CELSR1: variants seen among roughly 807,000 people sequenced by gnomAD.
The protein encoded by CELSR1 is adhesion G protein-coupled receptor C1.
CELSR1 carries 110 observed loss-of-function variants against 249.1 expected under a neutral mutation model. The observed-to-expected ratio is 0.44, with a 90% CI of 0.38 to 0.52. The LOEUF (loss-of-function observed/expected upper bound fraction) is 0.52. Ranked by LOEUF, CELSR1 falls within the 20% of genes least tolerant of loss-of-function variation. The pLI, the probability that CELSR1 is intolerant of heterozygous loss-of-function variation, is 0.00. For missense variants in CELSR1, 4,109 were observed against 4,296.4 expected (o/e 0.96, Z 1.22); for synonymous variants, 2,113 against 1,900.0 (o/e 1.11, Z -2.92).
intron 1 of CELSR1, chr22:46,530,239 A>C (rs1266613381): frequency 1.3e-5 from 2 of 152,586 alleles, no homozygotes; most frequent in African/African-American, 4.8e-5. Context: ...ACTGCACTCC[A>C]GCTGGGGCAA....
intron 1 of CELSR1, among the ~76,000 whole-genome samples, chr22:46,528,313 C>G (rs2075292317): frequency 1.3e-5 from 2 of 152,184 alleles, no homozygotes; most frequent in South Asian, 4.1e-4. Context: ...CATCCACTCT[C>G]CACCAAAGTC....
Position 46,464,172 on chromosome 22 carries a change from C to T in CELSR1, c.3718G>A (p.Asp1240Asn). 6.2e-7 allele frequency: 1 copy of T among 1,613,746 alleles called. No homozygotes were observed. Among genetic ancestry groups the T allele is most frequent in the Non-Finnish European group, 8.5e-7 (1 of 1,180,034 alleles). The change falls in exon 2 of 35, where the codon GAC becomes AAC. Residue 1240 changes from aspartate (D) to asparagine (N), a missense_variant. Physicochemically the swap from Asp to Asn is conservative, Grantham distance 23. Coordinates refer to ENST00000674500, the MANE Select transcript of CELSR1 (RefSeq NM_001378328.1). The surrounding 1 kb of genome is among the most constrained non-coding windows in gnomAD (Gnocchi z 8.5). ...GVAAVLSTTK[D>N]DVFVFNVQND... ...TGGACGTTGAAGACGAAGACGTCGTCCTTGGTGGTGGACAGCACGGCGGCC... is the reference window on the plus strand; with the variant it reads ...TGGACGTTGAAGACGAAGACGTCGTTCTTGGTGGTGGACAGCACGGCGGCC...
At chr22:46,392,863 A>G (rs921062434) in intron 14 of CELSR1, among the ~76,000 whole-genome samples, 3 of 152,010 alleles carry the variant, frequency 2.0e-5, no homozygotes, top group Non-Finnish European at 4.4e-5. Context: ...CCTGCCTATA[A>G]CTTTGGATGA....
At chr22:46,492,269 C>T (rs563925568) in intron 1 of CELSR1, among the ~76,000 whole-genome samples, 65 of 152,304 alleles carry the variant, frequency 4.3e-4, no homozygotes, top group African/African-American at 1.3e-3. Flanking sequence ...ACAAGTTCCA[C>T]TTCTCATTGT....
In CELSR1 at chr22:46,471,465, C is replaced by T. The variant is rs1160080963; in HGVS notation, c.3545-7120G>A. Among the ~76,000 whole-genome samples, 3 of 152,150 alleles carry T rather than the reference C, an allele frequency of 2.0e-5. No individual in the cohort carries two copies. The South Asian group carries it at 6.2e-4, about 31-fold the overall frequency. ...AATGCAGTGGTGTGATTACTGCAGCCTTGAGCTTTGAGCTCCTGGGCTCAA... is the reference window on the plus strand; with the variant it reads ...AATGCAGTGGTGTGATTACTGCAGCTTTGAGCTTTGAGCTCCTGGGCTCAA... On this transcript the variant is annotated intron_variant, in intron 1 of 34. Transcript: ENST00000674500. The surrounding 1 kb of genome is among the most constrained non-coding windows in gnomAD (Gnocchi z 4.9).
intron 1 of CELSR1, among the ~76,000 whole-genome samples, chr22:46,531,369 C>T (rs1189453558): frequency 6.6e-6 from 1 of 152,096 alleles, no homozygotes; most frequent in African/African-American, 2.4e-5. Context: ...CCACACCAGG[C>T]TAATTTTTGT....
intron 25 of CELSR1, chr22:46,370,248 A>G (rs2078837232): frequency 2.4e-6 from 1 of 420,864 alleles, no homozygotes; most frequent in Non-Finnish European, 4.8e-6. Flanking sequence ...CTACAGGGCC[A>G]TATGTGAGCG....
At chr22:46,368,838 C>T in intron 27 of CELSR1, among the ~76,000 whole-genome samples, 1 of 152,102 alleles carries the variant, frequency 6.6e-6, no homozygotes, top group East Asian at 1.9e-4. Context: ...TCACCACCCA[C>T]CAGAAAGTTT....
chr22:46,373,408 G>A (rs1023325247), intron 24 of CELSR1, among the ~76,000 whole-genome samples: 1 of 144,862 alleles, frequency 6.9e-6, no homozygotes, highest in African/African-American at 2.5e-5. Context: ...CACACCCAGT[G>A]CTCTGGGCGG....
intron 2 of CELSR1, among the ~76,000 whole-genome samples, chr22:46,458,758 T>TG (rs2079985974): frequency 6.6e-6 from 1 of 152,154 alleles, no homozygotes; most frequent in South Asian, 2.1e-4. Context: ...ACCTGGGTGT[T>TG]GACAGAACTG....
rs929291781 is a variant in CELSR1 at position 46,429,523 on chromosome 22, G to A, written c.4611+3870C>T. Among the ~76,000 whole-genome samples, 3 of 152,262 alleles carry A rather than the reference G, an allele frequency of 2.0e-5. No individual in the cohort carries two copies. The highest frequency in any genetic ancestry group is 2.9e-5 in the Non-Finnish European group (2 of 68,048). On this transcript the variant is annotated intron_variant, in intron 5 of 34. Transcript: ENST00000674500. The surrounding 1 kb of genome is among the most constrained non-coding windows in gnomAD (Gnocchi z 4.1). ...TTTGAAAAGACCGTCCTGGAAAAAC[G>A]TCCGACTCCAATGTACCCTTTGGTT...
intron 2 of CELSR1, among the ~76,000 whole-genome samples, chr22:46,459,611 C>T (rs369540229): frequency 1.9e-4 from 29 of 152,216 alleles, no homozygotes; most frequent in African/African-American, 6.8e-4. Flanking sequence ...GCGCTGAGGC[C>T]GCTTCTCTGC....
In CELSR1 at chr22:46,518,545, C is replaced by A. The variant is rs1213660067; in HGVS notation, c.3544+15082G>T. 6.6e-6 allele frequency among the ~76,000 whole-genome samples: 1 copy of A among 152,238 alleles called. No individual in the cohort carries two copies. The highest frequency in any genetic ancestry group is 1.5e-5 in the Non-Finnish European group (1 of 68,046). Reference sequence around the variant, plus strand: ...ATGAAGGCAGGCGTGGCAGTGGGTTCACTACCCTGCCCCAATGCCCAGTAC... The same window carrying A: ...ATGAAGGCAGGCGTGGCAGTGGGTTAACTACCCTGCCCCAATGCCCAGTAC... On this transcript the variant is annotated intron_variant, in intron 1 of 34. Transcript: ENST00000674500. This position sits in a 1 kb window ranked among gnomAD's most constrained non-coding sequence, Gnocchi z 5.2.
chr22:46,503,073 C>G (rs2147740045), intron 1 of CELSR1, among the ~76,000 whole-genome samples: 1 of 152,298 alleles, frequency 6.6e-6, no homozygotes, highest in East Asian at 1.9e-4. Flanking sequence ...AGCTTTGTCC[C>G]TTAACAGTCG....
rs910583925 is a variant in CELSR1 at position 46,473,582 on chromosome 22, T to G, written c.3545-9237A>C. On this transcript the variant is annotated intron_variant, in intron 1 of 34. Coordinates refer to ENST00000674500, the MANE Select transcript of CELSR1 (RefSeq NM_001378328.1). This position sits in a 1 kb window ranked among gnomAD's most constrained non-coding sequence, Gnocchi z 6.6. The stretch of plus-strand genomic sequence containing the variant: ...CCCGTCACCAACGCCCCTCGAGGCC[T>G]GGTTAGGGCAGCCCATGATGCCCTC... 6.6e-5 allele frequency among the ~76,000 whole-genome samples: 10 copies of G among 152,122 alleles called. No individual in the cohort carries two copies. The highest frequency in any genetic ancestry group is 2.2e-4 in the African/African-American group (9 of 41,430).
intron 1 of CELSR1, among the ~76,000 whole-genome samples, chr22:46,485,071 T>C (rs927915976): frequency 5.3e-5 from 8 of 152,110 alleles, no homozygotes; most frequent in Non-Finnish European, 1.0e-4. Context: ...GGAAGAAACC[T>C]GAGAGAAAGA....
At position 46,381,380 on chromosome 22, in the gene CELSR1, T is replaced by C. The variant is rs146174095; in HGVS notation, c.7089-425A>G. 2.1e-3 allele frequency among the ~76,000 whole-genome samples: 315 copies of C among 151,998 alleles called. 1 individual carries two copies. Among genetic ancestry groups the C allele is most frequent in the African/African-American group, 5.7e-3 (236 of 41,454 alleles). On this transcript the variant is annotated intron_variant, in intron 21 of 34. Coordinates refer to ENST00000674500, the MANE Select transcript of CELSR1 (RefSeq NM_001378328.1). This position sits in a 1 kb window ranked among gnomAD's most constrained non-coding sequence, Gnocchi z 6.0. ...CAGAGCCAGGGAAGTATCTGGGAAA[T>C]GGCAGGAAGAAGGAGGGCGGAGCCT...
At chr22:46,431,381 G>A (rs2079593876) in intron 5 of CELSR1, among the ~76,000 whole-genome samples, 2 of 152,260 alleles carry the variant, frequency 1.3e-5, no homozygotes, top group African/African-American at 4.8e-5. Context: ...TGATTCTGGA[G>A]TGTTGAGCAC....
At chr22:46,442,531 G>A (rs1262816271) in intron 2 of CELSR1, among the ~76,000 whole-genome samples, 4 of 152,228 alleles carry the variant, frequency 2.6e-5, no homozygotes, top group African/African-American at 7.2e-5. Flanking sequence ...CCTGGACACC[G>A]GCTGCCTCCT....
Sources: allele counts gnomAD v4.1 joint callset (sites outside exome capture counted in the v4.1 genomes callset), GRCh38; gene constraint gnomAD v4.1.1; non-coding constraint Gnocchi (gnomAD v3.1); transcripts MANE v1.5; gene names NCBI Gene and HGNC (gene_info 2026-07-23, HGNC 2026-07-21).